The following OPRD1 variants were observed in gnomAD, a reference collection of about 807,000 sequenced individuals.
OPRD1 encodes the protein opioid receptor delta 1.
In OPRD1, 19 loss-of-function variants were observed where a neutral mutation model predicts 17.5. The observed-to-expected ratio is 1.09, with a 90% confidence interval of 0.76 to 1.60. The LOEUF is 1.60. OPRD1 is among the 40% of genes most tolerant of loss of function. The pLI, the probability that OPRD1 is intolerant of heterozygous loss-of-function variation, is 0.00. For synonymous variants in OPRD1, 256 were observed against 240.9 expected (o/e 1.06, Z -0.58); for missense variants, 483 against 547.2 (o/e 0.88, Z 1.17).
chr1:28,826,057 C>A (rs916261863), intron 1 of OPRD1, among the ~76,000 whole-genome samples: 1 of 152,150 alleles, frequency 6.6e-6, no homozygotes, highest in Non-Finnish European at 1.5e-5. Context: ...AGATATAAGG[C>A]TAAGGCTATA....
chr1:28,814,268 A>C (rs912428363), intron 1 of OPRD1, among the ~76,000 whole-genome samples: 1 of 152,096 alleles, frequency 6.6e-6, no homozygotes, highest in Non-Finnish European at 1.5e-5. Flanking sequence ...AGCCTCTTTG[A>C]GCCTCAGTTT....
At chr1:28,844,477 G>A (rs1017691619) in intron 1 of OPRD1, among the ~76,000 whole-genome samples, 12 of 152,098 alleles carry the variant, frequency 7.9e-5, no homozygotes, top group Non-Finnish European at 1.2e-4. Context: ...TTTTTGTAGA[G>A]ATGGGGTTTT....
chr1:28,812,333 C>A lies in OPRD1; in HGVS notation c.-51C>A. 8.1e-7 allele frequency: 1 copy of A among 1,231,716 alleles called. No homozygotes were observed. The highest frequency in any genetic ancestry group is 1.0e-6 in the Non-Finnish European group (1 of 977,040). 76.3% of individuals were successfully genotyped at this position (1,231,716 alleles called of 1,614,324 possible). A position where few individuals can be genotyped will look rare whatever the true frequency, so the allele number is the denominator to read the frequency against. On this transcript the variant is annotated 5_prime_UTR_variant, in exon 1 of 3. Coordinates refer to ENST00000234961, the MANE Select transcript of OPRD1 (RefSeq NM_000911.4). ...TGCCGCTCCCCTCGCGTCGGATCCC[C>A]GCGCCCAGGGCGCACGGTGGAGAGG...
intron 1 of OPRD1, among the ~76,000 whole-genome samples, chr1:28,851,609 C>T (rs369047302): frequency 3.9e-5 from 6 of 152,144 alleles, no homozygotes; most frequent in African/African-American, 4.8e-5. Flanking sequence ...CCGTGGCTCA[C>T]GCCTGTAATC....
intron 1 of OPRD1, among the ~76,000 whole-genome samples, chr1:28,831,508 C>CAA (rs11287279): frequency 7.3e-6 from 1 of 136,430 alleles, no homozygotes; most frequent in Non-Finnish European, 1.6e-5. Context: ...GACTCCGTCT[C>CAA]AAAAAAAAAA....
chr1:28,836,223 T>A (rs2088851790), intron 1 of OPRD1, among the ~76,000 whole-genome samples: 1 of 152,016 alleles, frequency 6.6e-6, no homozygotes, highest in Non-Finnish European at 1.5e-5. Context: ...ACTTAAAACA[T>A]AAGACATTTC....
rs1223527168 is a variant in OPRD1 at position 28,812,619 on chromosome 1, G to C, written c.227+9G>C. 2.7e-6 allele frequency: 4 copies of C among 1,492,282 alleles called. No individual in the cohort carries two copies. The highest frequency in any genetic ancestry group is 2.7e-6 in the Non-Finnish European group (3 of 1,121,858). The allele number at this position is 1,492,282 out of a possible 1,614,324, so 92.4% of individuals were successfully genotyped here. On this transcript the variant is annotated intron_variant, in intron 1 of 2. Transcript: ENST00000234961. ...ATGTTCGGCATCGTCCGGTGAGTCC[G>C]CTGCGGGCCGGCGCCGCAGGGCTGG...
chr1:28,828,347 G>A (rs756782450), intron 1 of OPRD1, among the ~76,000 whole-genome samples: 3 of 152,116 alleles, frequency 2.0e-5, no homozygotes, highest in Non-Finnish European at 4.4e-5. Context: ...TGTCTCAACA[G>A]TGGGCTTAAA....
rs4654327 is a variant in OPRD1 at position 28,863,626 on chromosome 1, G to A, written c.*343G>A. On this transcript the variant is annotated 3_prime_UTR_variant, in exon 3 of 3. Coordinates refer to ENST00000234961, the MANE Select transcript of OPRD1 (RefSeq NM_000911.4). ...TTAAACAGGGCATCTCCAGGAAGGC[G>A]GGGCTTCAACCTTGAGACAGCTTCG... is the stretch of plus-strand genomic sequence containing the variant. 138,471 of 272,194 alleles carry A rather than the reference G, an allele frequency of 0.51. 37,291 individuals carry two copies. The highest frequency in any genetic ancestry group is 0.81 in the East Asian group (12,354 of 15,342). The allele number at this position is 272,194 out of a possible 1,614,324, so 16.9% of individuals were successfully genotyped here.
At chr1:28,820,890 C>T (rs895840392) in intron 1 of OPRD1, among the ~76,000 whole-genome samples, 4 of 151,936 alleles carry the variant, frequency 2.6e-5, no homozygotes, top group Non-Finnish European at 5.9e-5. Context: ...TGTGAGCCAC[C>T]GCATCTGGCC....
intron 1 of OPRD1, among the ~76,000 whole-genome samples, chr1:28,858,599 G>A (rs2089080392): frequency 6.9e-6 from 1 of 145,556 alleles, no homozygotes; most frequent in Non-Finnish European, 1.5e-5. Flanking sequence ...AGGCTGAAGT[G>A]CAATGGCGCA....
At chr1:28,854,282 A>G (rs2089034635) in intron 1 of OPRD1, among the ~76,000 whole-genome samples, 1 of 152,128 alleles carries the variant, frequency 6.6e-6, no homozygotes. Flanking sequence ...ACTGGAGTGC[A>G]GTAGCATTAT....
chr1:28,819,783 G>T (rs2088697186), intron 1 of OPRD1, among the ~76,000 whole-genome samples: 1 of 152,202 alleles, frequency 6.6e-6, no homozygotes, highest in Admixed American at 6.5e-5. Context: ...GAGTGCTGGG[G>T]ACGTCTAGGT....
chr1:28,813,591 G>A (rs1013607441), intron 1 of OPRD1, among the ~76,000 whole-genome samples: 22 of 152,168 alleles, frequency 1.4e-4, no homozygotes, highest in African/African-American at 4.3e-4. Flanking sequence ...TGCCCCAGAA[G>A]TAGCCCTCCT....
At chr1:28,842,368 T>A (rs1347212907) in intron 1 of OPRD1, among the ~76,000 whole-genome samples, 1 of 152,216 alleles carries the variant, frequency 6.6e-6, no homozygotes, top group Non-Finnish European at 1.5e-5. Flanking sequence ...TCTGACCAAC[T>A]GCTCTGGCTT....
At position 28,863,204 on chromosome 1, in the gene OPRD1, G is replaced by T; in HGVS notation, c.1040G>T (p.Arg347Leu). Residue 347 changes from arginine to leucine, a missense_variant, in exon 3 of 3, where the codon CGC (arginine) becomes CTC (leucine). Physicochemically the swap from Arg to Leu is moderately radical, Grantham distance 102. Transcript: ENST00000234961. ...CGRPDPSSFS[R>L]AREATARERV... is the part of the protein sequence containing the mutation. ...CGCCCAGACCCCAGCAGCTTCAGCC[G>T]CGCCCGCGAAGCCACGGCCCGCGAG... The T allele has an allele frequency of 6.3e-7, 1 of 1,585,554 alleles. No individual in the cohort carries two copies.
At chr1:28,830,372 A>C (rs917630055) in intron 1 of OPRD1, among the ~76,000 whole-genome samples, 33 of 152,014 alleles carry the variant, frequency 2.2e-4, no homozygotes, top group African/African-American at 8.0e-4. Flanking sequence ...AATGAAAAAA[A>C]CAATAGCAAG....
intron 1 of OPRD1, among the ~76,000 whole-genome samples, chr1:28,843,757 T>C (rs1407156305): frequency 6.6e-6 from 1 of 152,180 alleles, no homozygotes; most frequent in African/African-American, 2.4e-5. Flanking sequence ...TAGCTGGGAC[T>C]ACAAACGTGC....
intron 1 of OPRD1, among the ~76,000 whole-genome samples, chr1:28,846,760 C>G (rs1044318232): frequency 4.0e-5 from 6 of 150,636 alleles, no homozygotes; most frequent in African/African-American, 1.2e-4. Context: ...TGCAGTAATC[C>G]CACCATCCCA....
Sources: allele counts gnomAD v4.1 joint callset (sites outside exome capture counted in the v4.1 genomes callset), GRCh38; gene constraint gnomAD v4.1.1; transcripts MANE v1.5; gene names NCBI Gene and HGNC (gene_info 2026-07-23, HGNC 2026-07-21).